PTPRO: variants seen among roughly 807,000 people sequenced by gnomAD.
The protein encoded by PTPRO is protein tyrosine phosphatase receptor type O.
A neutral mutation model predicts 145.2 loss-of-function variants in PTPRO; 62 were observed. That is an observed-to-expected ratio of 0.43 (90% CI 0.35 to 0.53). The LOEUF (loss-of-function observed/expected upper bound fraction) is 0.53. Ranked by LOEUF, PTPRO falls within the 20% of genes least tolerant of loss-of-function variation. The pLI is 0.01. For synonymous variants in PTPRO, 565 were observed against 514.7 expected, an observed-to-expected ratio of 1.10 and a Z score of -1.32; for missense variants, 1,345 against 1,482.7, an observed-to-expected ratio of 0.91 and a Z score of 1.53.
chr12:15,351,256 A>G (rs1286388695), intron 1 of PTPRO, among the ~76,000 whole-genome samples: 1 of 152,206 alleles, frequency 6.6e-6, no homozygotes, highest in Non-Finnish European at 1.5e-5. Context: ...ATTAAGTCCA[A>G]TATTTAATTT....
chr12:15,465,233 C>A lies in PTPRO; in HGVS notation c.76-18741C>A, dbSNP rs253812. Among the ~76,000 whole-genome samples, 277 of 152,242 alleles carry A rather than the reference C, an allele frequency of 1.8e-3. 1 individual carries two copies. The highest frequency in any genetic ancestry group is 6.2e-3 in the African/African-American group (257 of 41,564). On this transcript the variant is annotated intron_variant, in intron 1 of 26. Transcript: ENST00000281171. The stretch of plus-strand genomic sequence containing the variant: ...CATAAATATCATATTGTTGTTCCAG[C>A]CTTCTTGTAATTCAAAATAGCATCA...
chr12:15,385,811 CAAAAAA>C (rs761750012), intron 1 of PTPRO, among the ~76,000 whole-genome samples: 2 of 37,120 alleles, frequency 5.4e-5, no homozygotes, highest in African/African-American at 9.1e-5. Flanking sequence ...GACTCCATCT[CAAAAAA>C]AAAAAAAAAA....
intron 1 of PTPRO, among the ~76,000 whole-genome samples, chr12:15,451,250 T>C (rs1360187088): frequency 6.6e-6 from 1 of 152,136 alleles, no homozygotes; most frequent in Non-Finnish European, 1.5e-5. Context: ...AAACATTATA[T>C]AATGATAAAA....
intron 1 of PTPRO, among the ~76,000 whole-genome samples, chr12:15,367,352 G>T (rs1938393715): frequency 6.6e-6 from 1 of 152,096 alleles, no homozygotes; most frequent in South Asian, 2.1e-4. Flanking sequence ...TGAGCCTGAT[G>T]AATGGAAAAA....
At chr12:15,586,033 T>A (rs1270003233) in intron 23 of PTPRO, among the ~76,000 whole-genome samples, 1 of 152,144 alleles carries the variant, frequency 6.6e-6, no homozygotes, top group African/African-American at 2.4e-5. Context: ...GTGATGGTAA[T>A]GAGGTACTAG....
intron 12 of PTPRO, among the ~76,000 whole-genome samples, chr12:15,541,584 T>G (rs781125587): frequency 7.9e-5 from 12 of 152,260 alleles, no homozygotes; most frequent in Admixed American, 3.9e-4. Flanking sequence ...ACTTTGTAAC[T>G]GTGTCCTCAC....
At chr12:15,460,128 A>G (rs1235317072) in intron 1 of PTPRO, among the ~76,000 whole-genome samples, 1 of 152,150 alleles carries the variant, frequency 6.6e-6, no homozygotes, top group East Asian at 1.9e-4. Context: ...GAGTCAATAA[A>G]CAAGAATGAC....
At chr12:15,567,550 C>T (rs146201050) in intron 18 of PTPRO, among the ~76,000 whole-genome samples, 1 of 151,908 alleles carries the variant, frequency 6.6e-6, no homozygotes, top group African/African-American at 2.4e-5. Flanking sequence ...TTCTTTTAAC[C>T]CATTAATACT....
At chr12:15,557,333 C>A in intron 15 of PTPRO, 122 bp from the exon 16 acceptor site, 1 of 961,190 alleles carries the variant, frequency 1.0e-6, no homozygotes, top group South Asian at 1.4e-5. Context: ...CCTGGCCTAG[C>A]TTCTTCTTTT....
chr12:15,567,428 C>T (rs1591746945), intron 18 of PTPRO, among the ~76,000 whole-genome samples: 1 of 152,042 alleles, frequency 6.6e-6, no homozygotes, highest in African/African-American at 2.4e-5. Flanking sequence ...GGTCTCTACT[C>T]CCTTCCAGCT....
Position 15,444,081 on chromosome 12 carries a change from C to T in PTPRO, c.76-39893C>T, listed in dbSNP as rs73059027. On this transcript the variant is annotated intron_variant, in intron 1 of 26. Transcript: ENST00000281171. ...TGTGATAACAACATCAAGGAATCAA[C>T]CTAGGGGCCTATCAGCAGTGGAATG... Among the ~76,000 whole-genome samples the T allele has an allele frequency of 7.7e-3, 1,167 of 151,910 alleles. 9 individuals are homozygous for T. The highest frequency in any genetic ancestry group is 0.012 in the Admixed American group (183 of 15,276).
At position 15,594,158 on chromosome 12, in the gene PTPRO, T is replaced by C. The variant is rs558344238; in HGVS notation, c.3547-779T>C. Among the ~76,000 whole-genome samples the C allele has an allele frequency of 4.6e-5, 7 of 152,264 alleles. No homozygotes were observed. The South Asian group carries it at 1.4e-3, about 32-fold the overall frequency. Reference sequence around the variant, plus strand: ...AGTTTGTGGTTTACCCTGTGTTTTATTCTTTTTAACTTTTTAAAATATACA... The same window carrying C: ...AGTTTGTGGTTTACCCTGTGTTTTACTCTTTTTAACTTTTTAAAATATACA... On this transcript the variant is annotated intron_variant, in intron 25 of 26. Transcript: ENST00000281171.
chr12:15,551,692 ATT>A, intron 15 of PTPRO, 21 bp downstream of exon 15: 3 of 1,609,846 alleles, frequency 1.9e-6, no homozygotes, highest in Non-Finnish European at 2.5e-6. Context: ...TTTTACTAAT[ATT>A]TTATCCGGAA....
chr12:15,441,671 A>G (rs1328945765), intron 1 of PTPRO, among the ~76,000 whole-genome samples: 1 of 152,160 alleles, frequency 6.6e-6, no homozygotes, highest in Admixed American at 6.5e-5. Context: ...AAAGAATGAC[A>G]TTACAACTGA....
chr12:15,492,145 G>C (rs1318515156), intron 2 of PTPRO, among the ~76,000 whole-genome samples: 1 of 152,152 alleles, frequency 6.6e-6, no homozygotes, highest in African/African-American at 2.4e-5. Context: ...GTGCTTTGGT[G>C]GGCTGAGAGG....
chr12:15,380,545 A>G (rs558864927), intron 1 of PTPRO, among the ~76,000 whole-genome samples: 3 of 152,290 alleles, frequency 2.0e-5, no homozygotes, highest in African/African-American at 4.8e-5. Context: ...TGGTATTTGG[A>G]TCATTCTAAT....
intron 2 of PTPRO, among the ~76,000 whole-genome samples, chr12:15,489,749 G>A (rs570035781): frequency 6.6e-6 from 1 of 152,194 alleles, no homozygotes; most frequent in East Asian, 1.9e-4. Context: ...TTCATGATGG[G>A]GTTGCCCTGT....
chr12:15,421,013 A>G (rs933897378), intron 1 of PTPRO, among the ~76,000 whole-genome samples: 9 of 152,248 alleles, frequency 5.9e-5, no homozygotes, highest in African/African-American at 1.7e-4. Flanking sequence ...TGGTATGCAT[A>G]TACTGAACAC....
rs76114501 is a variant in PTPRO, at chr12:15,565,218, T to C, written c.2712-375T>C. 1.3e-3 allele frequency: 225 copies of C among 167,424 alleles called. 2 individuals are homozygous for C. In the East Asian group the frequency reaches 0.036, roughly 26 times the overall value. The allele number at this position is 167,424 out of a possible 1,614,324, so 10.4% of individuals were successfully genotyped here. ...CGTCTCTTTATTAGTTCTCCATTTA[T>C]TCCCCCATTCTTCCTTCCTGCCTGT... On this transcript the variant is annotated intron_variant, in intron 17 of 26. Transcript: ENST00000281171.
Sources: allele counts gnomAD v4.1 joint callset (sites outside exome capture counted in the v4.1 genomes callset), GRCh38; gene constraint gnomAD v4.1.1; transcripts MANE v1.5; gene names NCBI Gene and HGNC (gene_info 2026-07-23, HGNC 2026-07-21).